Variants in OTOA observed in about 807,000 individuals in gnomAD.
OTOA encodes the protein cancer/testis antigen 108.
A neutral mutation model predicts 110.8 loss-of-function variants in OTOA; 70 were observed. That is an observed-to-expected ratio of 0.63 (90% CI 0.52 to 0.77). OTOA has a LOEUF of 0.77. OTOA is among the 30% of genes least tolerant of loss of function. The probability of loss-of-function intolerance (pLI) is 0.00; values close to 1 mark genes in which losing one functional copy is unlikely to be tolerated. For missense variants in OTOA, 917 were observed against 1,075.8 expected (o/e 0.85, Z 2.06); for synonymous variants, 373 against 431.5 (o/e 0.86, Z 1.68).
chr16:21,708,321 C>G (rs1898254934), intron 12 of OTOA, among the ~76,000 whole-genome samples: 1 of 152,136 alleles, frequency 6.6e-6, no homozygotes, highest in South Asian at 2.1e-4. Flanking sequence ...TTAGGAGAAT[C>G]TAATGCCGCT....
chr16:21,678,367 T>G (rs1597805489), intron 1 of OTOA, 144 bp from the exon 2 acceptor site: 1 of 529,480 alleles, frequency 1.9e-6, no homozygotes, highest in East Asian at 4.0e-5. Flanking sequence ...TTCAAGGGAT[T>G]CTGGGTGTAC....
intron 28 of OTOA, among the ~76,000 whole-genome samples, chr16:21,759,320 C>T (rs1006689520): frequency 2.6e-5 from 4 of 152,030 alleles, no homozygotes; most frequent in African/African-American, 7.2e-5. Context: ...GCTTATTATA[C>T]ACCTTATTCT....
At position 21,754,054 on chromosome 16, in the gene OTOA, ATC is replaced by A. The variant is rs1202374758; in HGVS notation, c.3153+942_3153+943del. On this transcript the variant is annotated intron_variant, in intron 27 of 28. Coordinates refer to ENST00000646100, the MANE Select transcript of OTOA (RefSeq NM_144672.4). ...CAGCCTGGGCAACAAGAGCGAAACC[ATC>A]TCTCTCTCTCTATATATATATATTT... Among the ~76,000 whole-genome samples, 198 of 134,796 alleles carry A rather than the reference ATC, an allele frequency of 1.5e-3. 23 individuals are homozygous for A. The East Asian group carries it at 0.025, about 17-fold the overall frequency. The allele number at this position is 134,796 out of a possible 152,430, so 88.4% of individuals were successfully genotyped here.
intron 15 of OTOA, among the ~76,000 whole-genome samples, chr16:21,718,897 G>T (rs1304424091): frequency 6.6e-6 from 1 of 152,088 alleles, no homozygotes; most frequent in African/African-American, 2.4e-5. Flanking sequence ...TGCCTCATGG[G>T]GTGTAGAGAA....
At chr16:21,705,525 C>A (rs1898146041) in intron 12 of OTOA, 1 of 622,080 alleles carries the variant, frequency 1.6e-6, no homozygotes, top group East Asian at 3.2e-5. Flanking sequence ...AGAAAGCTGT[C>A]TCAGCCAGGC....
intron 22 of OTOA, among the ~76,000 whole-genome samples, chr16:21,737,903 C>A (rs1243472265): frequency 6.6e-6 from 1 of 152,312 alleles, no homozygotes; most frequent in African/African-American, 2.4e-5. Flanking sequence ...TAATCACCCC[C>A]AGTGATAGTA....
intron 1 of OTOA, among the ~76,000 whole-genome samples, chr16:21,674,042 C>T (rs190689331): frequency 5.3e-5 from 8 of 152,268 alleles, no homozygotes; most frequent in African/African-American, 1.9e-4. Flanking sequence ...CGTGATCCAC[C>T]CGCCTCAGCC....
In OTOA at chr16:21,728,434, G is replaced by T; in HGVS notation, c.2207+3G>T. 6.2e-7 allele frequency: 1 copy of T among 1,613,612 alleles called. No individual in the cohort carries two copies. Among genetic ancestry groups the T allele is most frequent in the Non-Finnish European group, 8.5e-7 (1 of 1,179,816 alleles). On this transcript the variant is annotated splice_donor_region_variant and intron_variant, in intron 20 of 28. Transcript: ENST00000646100. ...CTCAAGCTCCTGGGACAGTATGGGTGAGGAGCGGCTGGGTTTGGCTTTTGG... is the reference window on the plus strand; with the variant it reads ...CTCAAGCTCCTGGGACAGTATGGGTTAGGAGCGGCTGGGTTTGGCTTTTGG...
rs528517615 is a variant in OTOA, at chr16:21,719,877, T to C, written c.1806+373T>C. ...CAAACAGTACTCTGAGAACATTTTC[T>C]TTCTCACTTAAAACTTCATTTTCTA... On this transcript the variant is annotated intron_variant, in intron 17 of 28. Transcript: ENST00000646100. Among the ~76,000 whole-genome samples, 5 of 152,318 alleles carry C rather than the reference T, an allele frequency of 3.3e-5. No homozygotes were observed. The South Asian group carries it at 6.2e-4, about 19-fold the overall frequency.
Position 21,728,364 on chromosome 16 carries a change from A to G in OTOA, c.2140A>G (p.Arg714Gly). The G allele has an allele frequency of 6.2e-7, 1 of 1,614,134 alleles. No individual in the cohort carries two copies. The highest frequency in any genetic ancestry group is 8.5e-7 in the Non-Finnish European group (1 of 1,179,996). Residue 714 changes from arginine to glycine, a missense_variant, in exon 20 of 29, where the codon AGA becomes GGA. Arg to Gly is a moderately radical substitution (Grantham distance 125). This residue lies in a region of OTOA where 840 missense variants were observed against 910.2 expected (regional missense o/e 0.92). Transcript: ENST00000646100. ...TTGGGCGACTGCTCTACACGGCCTCAGAGACTGCCCAGACCTCAACCCTGA... is the reference window on the plus strand; with the variant it reads ...TTGGGCGACTGCTCTACACGGCCTCGGAGACTGCCCAGACCTCAACCCTGA... Reference protein sequence around the residue: ...RAWATALHGLRDCPDLNPEQK... With the variant: ...RAWATALHGLGDCPDLNPEQK...
intron 12 of OTOA, among the ~76,000 whole-genome samples, chr16:21,706,831 T>C (rs1220317115): frequency 6.6e-6 from 1 of 150,588 alleles, no homozygotes; most frequent in South Asian, 2.1e-4. Flanking sequence ...ATCTTTTTTT[T>C]TTTTTTTATA....
intron 14 of OTOA, among the ~76,000 whole-genome samples, chr16:21,715,701 A>G: frequency 6.6e-6 from 1 of 151,528 alleles, no homozygotes. Flanking sequence ...AATTTTTTGT[A>G]GAGATGGAGT....
intron 8 of OTOA, among the ~76,000 whole-genome samples, chr16:21,688,594 A>T (rs1189222393): frequency 6.6e-6 from 1 of 152,130 alleles, no homozygotes; most frequent in Non-Finnish European, 1.5e-5. Flanking sequence ...GAGGCTGGGA[A>T]GTCCAAGATC....
intron 5 of OTOA, among the ~76,000 whole-genome samples, chr16:21,680,575 T>C (rs1224121697): frequency 6.6e-6 from 1 of 151,336 alleles, no homozygotes; most frequent in Non-Finnish European, 1.5e-5. Context: ...TTTCATAGGC[T>C]GGGCATGGTG....
chr16:21,736,494 A>G, intron 22 of OTOA, 104 bp downstream of exon 22: 1 of 1,301,368 alleles, frequency 7.7e-7, no homozygotes, highest in Non-Finnish European at 1.1e-6. Context: ...ACTGGATGAA[A>G]TGTCTGCAAA....
chr16:21,704,943 T>C (rs377569995), intron 11 of OTOA: 6 of 792,242 alleles, frequency 7.6e-6, no homozygotes, highest in East Asian at 2.4e-5. Context: ...TGCCATGTGG[T>C]GTCCACTTCA....
At chr16:21,704,151 G>A (rs1171822213) in intron 11 of OTOA, among the ~76,000 whole-genome samples, 1 of 152,120 alleles carries the variant, frequency 6.6e-6, no homozygotes, top group Non-Finnish European at 1.5e-5. Context: ...TTATACCAGG[G>A]TTCCAATCTC....
At chr16:21,724,528 C>T (rs1898854968) in intron 18 of OTOA, among the ~76,000 whole-genome samples, 3 of 152,040 alleles carry the variant, frequency 2.0e-5, no homozygotes, top group Admixed American at 1.3e-4. Flanking sequence ...GTGCAGCCAT[C>T]AGATTTATAT....
chr16:21,711,622 C>T lies in OTOA; in HGVS notation c.1320+1519C>T, dbSNP rs766686972. ...TAGCTGGGATTATAGGCACCCACCACCACACCCAGCGAATTTTTGTGTTTT... is the reference window on the plus strand; with the variant it reads ...TAGCTGGGATTATAGGCACCCACCATCACACCCAGCGAATTTTTGTGTTTT... On this transcript the variant is annotated intron_variant, in intron 13 of 28. Coordinates refer to ENST00000646100, the MANE Select transcript of OTOA (RefSeq NM_144672.4). 2.0e-5 allele frequency among the ~76,000 whole-genome samples: 3 copies of T among 152,196 alleles called. No homozygotes were observed. The East Asian group carries it at 5.8e-4, about 29-fold the overall frequency.
Sources: gnomAD v4.1 joint callset for allele counts (sites outside exome capture counted in the v4.1 genomes callset) on GRCh38, gnomAD v4.1.1 for gene constraint, gnomAD v4.1.1 regional missense constraint, MANE v1.5 for transcripts, NCBI Gene and HGNC (gene_info 2026-07-23, HGNC 2026-07-21) for gene names.